MPPED1: variants seen among roughly 807,000 people sequenced by gnomAD.
MPPED1 encodes metallophosphoesterase domain-containing protein 1.
Under a neutral mutation model 36.2 loss-of-function variants are expected in MPPED1, and 16 were observed. That is an observed-to-expected ratio of 0.44 (90% CI 0.30 to 0.67). MPPED1 has a LOEUF of 0.67. Ranked by LOEUF, MPPED1 falls within the 30% of genes least tolerant of loss-of-function variation. The probability of loss-of-function intolerance (pLI) is 0.10; values close to 1 mark genes in which losing one functional copy is unlikely to be tolerated. For synonymous variants in MPPED1, 199 were observed against 191.3 expected, an observed-to-expected ratio of 1.04 and a Z score of -0.33; for missense variants, 307 against 453.4, an observed-to-expected ratio of 0.68 and a Z score of 2.93.
chr22:43,480,396 G>A (rs1446792877), intron 4 of MPPED1, among the ~76,000 whole-genome samples: 2 of 152,192 alleles, frequency 1.3e-5, no homozygotes, highest in Middle Eastern at 3.2e-3. Context: ...TGATTCTCAC[G>A]GGTGTGTGCT....
intron 2 of MPPED1, among the ~76,000 whole-genome samples, chr22:43,434,316 G>A (rs189269787): frequency 1.6e-4 from 24 of 152,314 alleles, no homozygotes; most frequent in Admixed American, 3.3e-4. Flanking sequence ...ACTGTCTTAC[G>A]GTTTTGAGAA....
chr22:43,427,964 G>A lies in MPPED1; in HGVS notation c.224+2755G>A, dbSNP rs191728739. Among the ~76,000 whole-genome samples, 5 of 152,288 alleles carry A rather than the reference G, an allele frequency of 3.3e-5. No individual in the cohort carries two copies. The East Asian group carries it at 9.7e-4, about 29-fold the overall frequency. On this transcript the variant is annotated intron_variant, in intron 2 of 6. Coordinates refer to ENST00000443721, the MANE Select transcript of MPPED1 (RefSeq NM_001044370.2). ...TGAAAAAAACGCTGCGCACAGTAAT[G>A]CTGGGGATGAAATAGTTAAATCCTC...
chr22:43,497,640 G>A (rs928559953), intron 4 of MPPED1, among the ~76,000 whole-genome samples: 25 of 151,916 alleles, frequency 1.6e-4, no homozygotes, highest in Non-Finnish European at 2.2e-4. Flanking sequence ...CTGGGATTGC[G>A]TATAATGGTC....
chr22:43,497,051 G>A lies in MPPED1; in HGVS notation c.633-1184G>A, dbSNP rs1261401357. On this transcript the variant is annotated intron_variant, in intron 4 of 6. Coordinates refer to ENST00000443721, the MANE Select transcript of MPPED1 (RefSeq NM_001044370.2). ...AGTGGTGGTGGTGGAGGTAGTGGTG[G>A]TGGAGATGGTGGTGGTGGAGGTGGT... Among the ~76,000 whole-genome samples, 5 of 148,758 alleles carry A rather than the reference G, an allele frequency of 3.4e-5. 1 individual carries two copies. The highest frequency in any genetic ancestry group is 1.0e-4 in the African/African-American group (4 of 40,076).
In MPPED1 at chr22:43,412,158, G is replaced by T; in HGVS notation, c.-79G>T. 2.0e-6 allele frequency: 2 copies of T among 980,026 alleles called. No individual in the cohort carries two copies. Among genetic ancestry groups the T allele is most frequent in the South Asian group, 9.2e-5 (2 of 21,760 alleles). The allele number at this position is 980,026 out of a possible 1,614,324, so 60.7% of individuals were successfully genotyped here. A position where few individuals can be genotyped will look rare whatever the true frequency, so the allele number is the denominator to read the frequency against. ...GCCGCCGAAGAGGAGCCCGGGGCCA[G>T]GTAGGACCGGAGGCGGGCGGGGCGC... On this transcript the variant is annotated splice_region_variant and 5_prime_UTR_variant, in exon 1 of 7. Transcript: ENST00000443721.
chr22:43,482,689 T>C (rs1024735708), intron 4 of MPPED1, among the ~76,000 whole-genome samples: 2 of 152,228 alleles, frequency 1.3e-5, no homozygotes, highest in African/African-American at 2.4e-5. Flanking sequence ...ATACACCTGC[T>C]GCTCGACGTT....
chr22:43,435,105 A>G lies in MPPED1; in HGVS notation c.296A>G (p.His99Arg), dbSNP rs1315901743. ...CGCTTCGTCTGCGTCTCTGATACCC[A>G]CTCGAGGACGGACCCCATCCAGATG... ...YTRFVCVSDT[H>R]SRTDPIQMPY... The change falls in exon 3 of 7, where the codon CAC (histidine) becomes CGC (arginine). Residue 99 changes from histidine (H) to arginine (R), a missense_variant. Transcript: ENST00000443721. The G allele has an allele frequency of 6.2e-7, 1 of 1,613,540 alleles. No individual in the cohort carries two copies. Among genetic ancestry groups the G allele is most frequent in the Non-Finnish European group, 8.5e-7 (1 of 1,179,840 alleles).
At chr22:43,414,778 T>G (rs1229883668) in intron 1 of MPPED1, among the ~76,000 whole-genome samples, 13 of 152,142 alleles carry the variant, frequency 8.5e-5, no homozygotes, top group Non-Finnish European at 1.3e-4. Context: ...ATTCCCCCTT[T>G]CCATTCTTCT....
chr22:43,444,971 A>G (rs1241540248), intron 3 of MPPED1, among the ~76,000 whole-genome samples: 1 of 152,246 alleles, frequency 6.6e-6, no homozygotes, highest in Non-Finnish European at 1.5e-5. Context: ...AGAGTAGCTC[A>G]GACGGAGGGC....
chr22:43,452,528 A>G (rs527822766), intron 3 of MPPED1, among the ~76,000 whole-genome samples: 69 of 152,288 alleles, frequency 4.5e-4, no homozygotes, highest in African/African-American at 1.6e-3. Context: ...AGAACTGGGG[A>G]ATGGGGAAAT....
chr22:43,448,566 C>A (rs1259981715), intron 3 of MPPED1, among the ~76,000 whole-genome samples: 2 of 147,980 alleles, frequency 1.4e-5, no homozygotes, highest in Non-Finnish European at 3.0e-5. Flanking sequence ...GGTCTAGGCT[C>A]TTTTAAAATC....
At chr22:43,494,307 T>C (rs1203353091) in intron 4 of MPPED1, among the ~76,000 whole-genome samples, 1 of 152,230 alleles carries the variant, frequency 6.6e-6, no homozygotes, top group Non-Finnish European at 1.5e-5. Flanking sequence ...CCCAAAGCAC[T>C]GGGATTACAG....
chr22:43,435,468 CT>C (rs1929926125), intron 3 of MPPED1, among the ~76,000 whole-genome samples: 2 of 151,328 alleles, frequency 1.3e-5, no homozygotes, highest in South Asian at 4.2e-4. Context: ...TTTTTTTGGC[CT>C]GGAAGACCCC....
chr22:43,435,148 G>T lies in MPPED1; in HGVS notation c.339G>T (p.Leu113=). 6.2e-7 allele frequency: 1 copy of T among 1,613,574 alleles called. No individual in the cohort carries two copies. The highest frequency in any genetic ancestry group is 8.5e-7 in the Non-Finnish European group (1 of 1,179,890). ...DPIQMPYGDV[L]IHAGDFTELG... ...TCCAGATGCCGTACGGCGACGTGCT[G>T]ATCCACGCTGGGGACTTCACTGAGC... Residue 113 remains leucine (L), a synonymous_variant, in exon 3 of 7, where the codon CTG becomes CTT. Transcript: ENST00000443721.
At chr22:43,494,099 T>C (rs1405669618) in intron 4 of MPPED1, among the ~76,000 whole-genome samples, 1 of 152,072 alleles carries the variant, frequency 6.6e-6, no homozygotes. Flanking sequence ...AGTGGCACAA[T>C]CTCAGTTCAC....
At chr22:43,504,904 G>T (rs866562885) in intron 6 of MPPED1, among the ~76,000 whole-genome samples, 3 of 151,808 alleles carry the variant, frequency 2.0e-5, no homozygotes, top group African/African-American at 7.3e-5. Context: ...CGGTGATGTT[G>T]TTCATGGTGA....
intron 4 of MPPED1, among the ~76,000 whole-genome samples, chr22:43,491,629 TGGTG>T (rs1932092493): frequency 6.7e-6 from 1 of 148,880 alleles, no homozygotes; most frequent in Admixed American, 6.7e-5. Flanking sequence ...GTGGTGGTGA[TGGTG>T]ATGGAGGTGG....
At position 43,425,591 on chromosome 22, in the gene MPPED1, C is replaced by G. The variant is rs77083913; in HGVS notation, c.224+382C>G. Among the ~76,000 whole-genome samples the G allele has an allele frequency of 9.6e-3, 1,466 of 152,354 alleles. 42 individuals are homozygous for G. The highest frequency in any genetic ancestry group is 0.033 in the African/African-American group (1,388 of 41,592). On this transcript the variant is annotated intron_variant, in intron 2 of 6. Coordinates refer to ENST00000443721, the MANE Select transcript of MPPED1 (RefSeq NM_001044370.2). ...CTGGCGGGGGCCACATTCCCGATCC[C>G]TTTCTTGGCATTTGGGTGGCGACCC...
At position 43,424,709 on chromosome 22, in the gene MPPED1, C is replaced by G. The variant is rs113188754; in HGVS notation, c.-78-199C>G. Among the ~76,000 whole-genome samples the G allele has an allele frequency of 8.6e-5, 13 of 151,672 alleles. 2 individuals carry two copies. The highest frequency in any genetic ancestry group is 3.1e-4 in the African/African-American group (13 of 41,332). ...TTCTTTTTTTTCTTGTCCCCTCCCT[C>G]CCTTCCCTTTTCTTTTTACCAAAGT... On this transcript the variant is annotated intron_variant, in intron 1 of 6. Transcript: ENST00000443721.
Sources: allele counts gnomAD v4.1 joint callset (sites outside exome capture counted in the v4.1 genomes callset), GRCh38; gene constraint gnomAD v4.1.1; transcripts MANE v1.5; gene names NCBI Gene and HGNC (gene_info 2026-07-23, HGNC 2026-07-21).